Variants in SMG6 observed in about 807,000 individuals in gnomAD.
SMG6 encodes telomerase-binding protein EST1A.
A neutral mutation model predicts 142.2 loss-of-function variants in SMG6; 66 were observed. The observed-to-expected ratio is 0.46, with a 90% CI of 0.38 to 0.57. The LOEUF (loss-of-function observed/expected upper bound fraction) is 0.57, where lower values mean the gene tolerates loss of function less well. Ranked by LOEUF, SMG6 falls within the 20% of genes least tolerant of loss-of-function variation. The probability of loss-of-function intolerance (pLI) is 0.00; values close to 1 mark genes in which losing one functional copy is unlikely to be tolerated. For missense variants in SMG6, 1,793 were observed against 1,832.0 expected, an observed-to-expected ratio of 0.98 and a Z score of 0.39; for synonymous variants, 779 against 702.4, an observed-to-expected ratio of 1.11 and a Z score of -1.72.
chr17:2,281,898 C>T (rs1034050531), intron 8 of SMG6, among the ~76,000 whole-genome samples: 4 of 152,126 alleles, frequency 2.6e-5, no homozygotes, highest in African/African-American at 9.7e-5. Flanking sequence ...AATCACTTTA[C>T]CACCTCCCTT....
At chr17:2,107,136 G>A (rs1038497356) in intron 13 of SMG6, among the ~76,000 whole-genome samples, 12 of 152,172 alleles carry the variant, frequency 7.9e-5, no homozygotes, top group Admixed American at 2.6e-4. Flanking sequence ...GATTATAGGT[G>A]TGAGCCACTG....
Position 2,085,602 on chromosome 17 carries a change from TG to T in SMG6, c.3534+122del. On this transcript the variant is annotated intron_variant, in intron 14 of 18. Transcript: ENST00000263073. This position sits in a 1 kb window ranked among gnomAD's most constrained non-coding sequence, Gnocchi z 4.1. ...CAGAGCACACTCTCGAGAAGCTGGC[TG>T]GTCACATTAACACAGACGCTGTTCT... The T allele has an allele frequency of 1.0e-6, 1 of 991,760 alleles. No individual in the cohort carries two copies. The highest frequency in any genetic ancestry group is 1.5e-6 in the Non-Finnish European group (1 of 667,052). 61.4% of individuals were successfully genotyped at this position (991,760 alleles called of 1,614,324 possible).
intron 13 of SMG6, among the ~76,000 whole-genome samples, chr17:2,123,240 G>C (rs187060363): frequency 6.6e-6 from 1 of 152,186 alleles, no homozygotes; most frequent in East Asian, 1.9e-4. Flanking sequence ...TCGCCACCTC[G>C]GTCAGTGGCA....
At chr17:2,076,829 A>G (rs969426645) in intron 15 of SMG6, among the ~76,000 whole-genome samples, 3 of 152,172 alleles carry the variant, frequency 2.0e-5, no homozygotes, top group Non-Finnish European at 2.9e-5. Flanking sequence ...TAAAGGGGCC[A>G]CAGCAACCCC....
At chr17:2,256,455 G>A (rs987751323) in intron 8 of SMG6, among the ~76,000 whole-genome samples, 2 of 151,956 alleles carry the variant, frequency 1.3e-5, no homozygotes, top group Non-Finnish European at 2.9e-5. Context: ...GCAGAACCAA[G>A]CATGAGTATT....
At chr17:2,190,317 T>C (rs750907357) in intron 10 of SMG6, among the ~76,000 whole-genome samples, 3 of 152,112 alleles carry the variant, frequency 2.0e-5, no homozygotes, top group Admixed American at 6.5e-5. Context: ...GAGTAAACAT[T>C]AGTGCCTCCT....
At chr17:2,092,914 G>C (rs1239449645) in intron 13 of SMG6, among the ~76,000 whole-genome samples, 1 of 152,194 alleles carries the variant, frequency 6.6e-6, no homozygotes, top group Non-Finnish European at 1.5e-5. Context: ...AGATAATACA[G>C]GCCGGGTGCA....
chr17:2,287,016 C>G, intron 6 of SMG6, among the ~76,000 whole-genome samples: 1 of 149,418 alleles, frequency 6.7e-6, no homozygotes, highest in Non-Finnish European at 1.5e-5. Flanking sequence ...ACTGCAAGCT[C>G]CGCCTCTCGG....
At chr17:2,203,958 G>A (rs1359833550) in intron 10 of SMG6, among the ~76,000 whole-genome samples, 1 of 152,118 alleles carries the variant, frequency 6.6e-6, no homozygotes, top group African/African-American at 2.4e-5. Context: ...TTCATTCTGT[G>A]GCTTCCTGAA....
intron 13 of SMG6, among the ~76,000 whole-genome samples, chr17:2,144,842 G>A (rs912201390): frequency 6.6e-6 from 1 of 152,084 alleles, no homozygotes; most frequent in East Asian, 1.9e-4. Context: ...TGGAATCCCA[G>A]CTTTAGGCAG....
intron 8 of SMG6, among the ~76,000 whole-genome samples, chr17:2,258,088 G>A (rs2074233942): frequency 7.1e-6 from 1 of 141,218 alleles, no homozygotes; most frequent in African/African-American, 2.6e-5. Flanking sequence ...TATATAGATG[G>A]TCAAAACTTC....
chr17:2,297,397 T>C, intron 3 of SMG6, 44 bp from the exon 4 acceptor site: 4 of 1,429,996 alleles, frequency 2.8e-6, no homozygotes, highest in Non-Finnish European at 3.8e-6. Context: ...TCTATTCTAA[T>C]CCAACCTATC....
At chr17:2,228,518 C>T (rs1001579796) in intron 10 of SMG6, among the ~76,000 whole-genome samples, 2 of 151,968 alleles carry the variant, frequency 1.3e-5, no homozygotes, top group East Asian at 1.9e-4. Flanking sequence ...TGAGCCATCG[C>T]GCCCGGCCTA....
At chr17:2,172,294 G>C (rs960337670) in intron 13 of SMG6, among the ~76,000 whole-genome samples, 1 of 151,930 alleles carries the variant, frequency 6.6e-6, no homozygotes, top group African/African-American at 2.4e-5. Flanking sequence ...CTAGTGCAGA[G>C]CTTTGTGGCG....
intron 10 of SMG6, among the ~76,000 whole-genome samples, chr17:2,208,302 G>A (rs1453986907): frequency 6.6e-6 from 1 of 152,094 alleles, no homozygotes; most frequent in Non-Finnish European, 1.5e-5. Flanking sequence ...TCAAGATCCA[G>A]CATGTTATCA....
At chr17:2,128,017 C>T (rs1440178720) in intron 13 of SMG6, 2 of 456,972 alleles carry the variant, frequency 4.4e-6, no homozygotes, top group East Asian at 1.1e-4. Flanking sequence ...GGAGAGCTTC[C>T]TACTCCCAGA....
intron 13 of SMG6, among the ~76,000 whole-genome samples, chr17:2,126,596 A>C (rs968648989): frequency 2.0e-5 from 3 of 151,884 alleles, no homozygotes; most frequent in Admixed American, 6.6e-5. Flanking sequence ...GGGCCCCTGT[A>C]ATCTCAGCTA....
chr17:2,303,315 G>A (rs559439412), intron 1 of SMG6: 1,044 of 1,140,740 alleles, frequency 9.2e-4, no homozygotes, highest in South Asian at 2.8e-3. Context: ...TCCTTTCCGC[G>A]TCTCCCGATG....
chr17:2,237,146 C>CA (rs1191573453), intron 9 of SMG6: 3 of 151,016 alleles, frequency 2.0e-5, no homozygotes, highest in African/African-American at 7.3e-5. Context: ...CGGCTCACTG[C>CA]AACCTCTGCC....
Sources: gnomAD v4.1 joint callset for allele counts (sites outside exome capture counted in the v4.1 genomes callset) on GRCh38, gnomAD v4.1.1 for gene constraint, Gnocchi (gnomAD v3.1) non-coding constraint, MANE v1.5 for transcripts, NCBI Gene and HGNC (gene_info 2026-07-23, HGNC 2026-07-21) for gene names.